Variants in SLC24A2 observed in about 807,000 individuals in gnomAD.
SLC24A2 encodes sodium/potassium/calcium exchanger 2.
Under a neutral mutation model 62.0 loss-of-function variants are expected in SLC24A2, and 36 were observed. That is an observed-to-expected ratio of 0.58 (90% CI 0.44 to 0.77). The LOEUF is 0.77. SLC24A2 is among the 30% of genes least tolerant of loss of function. The pLI is 0.00. For synonymous variants in SLC24A2, 358 were observed against 294.0 expected (o/e 1.22, Z -2.23); for missense variants, 846 against 817.9 (o/e 1.03, Z -0.42).
the SLC24A2 span, among the ~76,000 whole-genome samples, chr9:19,984,034 T>C: frequency 6.6e-6 from 1 of 152,186 alleles, no homozygotes; most frequent in Non-Finnish European, 1.5e-5. Context: ...GAGAAATCTG[T>C]AATAAGTTGA....
At chr9:20,220,350 A>G in the SLC24A2 span, among the ~76,000 whole-genome samples, 1 of 152,112 alleles carries the variant, frequency 6.6e-6, no homozygotes, top group Non-Finnish European at 1.5e-5. Context: ...ACCACCTCGG[A>G]TGCACCCCCG....
At chr9:19,572,938 A>T (rs2132842892) in intron 7 of SLC24A2, among the ~76,000 whole-genome samples, 1 of 152,294 alleles carries the variant, frequency 6.6e-6, no homozygotes, top group South Asian at 2.1e-4. Context: ...CAGAGAAAGG[A>T]TTAAACTGCA....
intron 2 of SLC24A2, among the ~76,000 whole-genome samples, chr9:19,661,798 G>A (rs370979699): frequency 2.8e-4 from 43 of 152,164 alleles, no homozygotes; most frequent in African/African-American, 1.0e-3. Context: ...CATCGTTGCT[G>A]CCAATAATGG....
the SLC24A2 span, among the ~76,000 whole-genome samples, chr9:20,194,306 G>A: frequency 1.3e-5 from 2 of 151,966 alleles, no homozygotes; most frequent in Non-Finnish European, 2.9e-5. Flanking sequence ...AATATCTCTG[G>A]GCATCAGGTA....
intron 8 of SLC24A2, among the ~76,000 whole-genome samples, chr9:19,534,191 T>C (rs192067224): frequency 3.2e-4 from 48 of 152,280 alleles, no homozygotes; most frequent in Middle Eastern, 3.4e-3. Flanking sequence ...ACAGTCAATG[T>C]GGTACAATGA....
At chr9:19,625,685 T>TC (rs774658393) in intron 2 of SLC24A2, among the ~76,000 whole-genome samples, 4 of 95,278 alleles carry the variant, frequency 4.2e-5, no homozygotes, top group Non-Finnish European at 7.2e-5. Context: ...TCCTTTTTTT[T>TC]CTTTTCTTTT....
chr9:20,177,708 A>G, the SLC24A2 span, among the ~76,000 whole-genome samples: 1,554 of 152,300 alleles, frequency 0.01, 12 homozygotes, highest in Non-Finnish European at 0.016. Flanking sequence ...TAGATTAAAT[A>G]GATTCTAAAA....
the SLC24A2 span, among the ~76,000 whole-genome samples, chr9:19,856,169 G>C: frequency 2.0e-5 from 3 of 152,100 alleles, no homozygotes; most frequent in Non-Finnish European, 4.4e-5. Context: ...GGTTATTCTG[G>C]TTGACAGCTC....
At chr9:19,947,585 T>C in the SLC24A2 span, among the ~76,000 whole-genome samples, 83 of 151,574 alleles carry the variant, frequency 5.5e-4, no homozygotes, top group African/African-American at 1.9e-3. Flanking sequence ...GGTCAAGAGA[T>C]TGAGACCATC....
At chr9:19,909,554 C>G in the SLC24A2 span, among the ~76,000 whole-genome samples, 1 of 151,854 alleles carries the variant, frequency 6.6e-6, no homozygotes, top group Non-Finnish European at 1.5e-5. Flanking sequence ...GTTTAAGGGA[C>G]TATAAATTAT....
At chr9:19,996,637 G>A in the SLC24A2 span, among the ~76,000 whole-genome samples, 2 of 151,810 alleles carry the variant, frequency 1.3e-5, no homozygotes, top group Non-Finnish European at 2.9e-5. Flanking sequence ...AGCTACTCAG[G>A]AGGTTGAGGG....
chr9:20,158,695 G>A, the SLC24A2 span, among the ~76,000 whole-genome samples: 4 of 151,642 alleles, frequency 2.6e-5, no homozygotes, highest in East Asian at 7.8e-4. Context: ...TAAAAAATGA[G>A]AAAAGAAGGA....
chr9:20,119,407 C>A, the SLC24A2 span, among the ~76,000 whole-genome samples: 1 of 151,862 alleles, frequency 6.6e-6, no homozygotes, highest in African/African-American at 2.4e-5. Context: ...AAATCAAATC[C>A]ATCGATATAT....
At position 19,531,550 on chromosome 9, in the gene SLC24A2, G is replaced by C. The variant is rs561980969; in HGVS notation, c.1480-3412C>G. ...CTGATTAGAAGCTTTTGGTACATCA[G>C]AGTGATATCGGCTTGGCTTGGAAAA... On this transcript the variant is annotated intron_variant, in intron 8 of 10. Coordinates refer to ENST00000341998, the MANE Select transcript of SLC24A2 (RefSeq NM_020344.4). Among the ~76,000 whole-genome samples the C allele has an allele frequency of 8.8e-4, 134 of 152,352 alleles. 4 individuals carry two copies. In the South Asian group the frequency reaches 0.025, roughly 29 times the overall value.
the SLC24A2 span, among the ~76,000 whole-genome samples, chr9:20,281,954 G>C: frequency 3.3e-5 from 5 of 152,074 alleles, no homozygotes; most frequent in African/African-American, 1.2e-4. Flanking sequence ...TTTTTCATTA[G>C]ATTTATTCCT....
rs1832896414 is a variant in SLC24A2 at position 19,515,755 on chromosome 9, A to G, written c.*398T>C. On this transcript the variant is annotated 3_prime_UTR_variant, in exon 11 of 11. Transcript: ENST00000341998. ...TACAGGTATGTACTAATCTATAGGT[A>G]TGCAAGGAGAGGTATAGTACAGGAA... The G allele has an allele frequency of 2.0e-5, 5 of 247,726 alleles. No homozygotes were observed. The East Asian group carries it at 4.4e-4, about 22-fold the overall frequency. 15.3% of individuals were successfully genotyped at this position (247,726 alleles called of 1,614,324 possible).
chr9:20,152,678 G>A, the SLC24A2 span, among the ~76,000 whole-genome samples: 1 of 151,814 alleles, frequency 6.6e-6, no homozygotes, highest in African/African-American at 2.4e-5. Flanking sequence ...GTCCAGTTTT[G>A]ACTAGGATGC....
chr9:19,854,983 T>C, the SLC24A2 span, among the ~76,000 whole-genome samples: 6 of 152,176 alleles, frequency 3.9e-5, no homozygotes, highest in Non-Finnish European at 8.8e-5. Context: ...CCTGTATTGG[T>C]GTATATATAT....
the SLC24A2 span, among the ~76,000 whole-genome samples, chr9:20,164,639 T>C: frequency 1.3e-5 from 2 of 151,632 alleles, no homozygotes; most frequent in African/African-American, 2.4e-5. Context: ...ACTGGGTATA[T>C]ACCCAAAGGA....
Sources: gnomAD v4.1 joint callset for allele counts (sites outside exome capture counted in the v4.1 genomes callset) on GRCh38, gnomAD v4.1.1 for gene constraint, MANE v1.5 for transcripts, NCBI Gene and HGNC (gene_info 2026-07-23, HGNC 2026-07-21) for gene names.